The following RIMS2 variants were observed in gnomAD, a reference collection of about 807,000 sequenced individuals.
RIMS2 encodes the protein regulating synaptic membrane exocytosis protein 2.
In RIMS2, 59 loss-of-function variants were observed where a neutral mutation model predicts 174.4. The observed-to-expected ratio is 0.34, with a 90% CI of 0.27 to 0.42. The LOEUF is 0.42. RIMS2 is among the 10% of genes least tolerant of loss of function. The probability of loss-of-function intolerance (pLI) is 1.00; values close to 1 mark genes in which losing one functional copy is unlikely to be tolerated. For missense variants in RIMS2, 1,620 were observed against 1,666.3 expected (o/e 0.97, Z 0.48); for synonymous variants, 606 against 572.5 (o/e 1.06, Z -0.84).
intron 2 of RIMS2, among the ~76,000 whole-genome samples, chr8:103,718,977 C>T (rs909431995): frequency 2.6e-5 from 4 of 152,190 alleles, no homozygotes; most frequent in African/African-American, 7.2e-5. Context: ...ACTTCCTTCC[C>T]TCTTGCAATC....
chr8:104,156,470 C>T (rs2098724885), intron 19 of RIMS2, among the ~76,000 whole-genome samples: 1 of 152,198 alleles, frequency 6.6e-6, no homozygotes. Context: ...CAATCTAATA[C>T]TGCCACACAG....
In RIMS2 at chr8:103,618,560, T is replaced by C. The variant is rs185668600; in HGVS notation, c.177-78526T>C. Reference sequence around the variant, plus strand: ...TCTGGTAGAATGAGAGGAAGGGAATTATTGTGTGAGACCATTTTCAAGGCT... The same window carrying C: ...TCTGGTAGAATGAGAGGAAGGGAATCATTGTGTGAGACCATTTTCAAGGCT... On this transcript the variant is annotated intron_variant, in intron 1 of 23. Coordinates refer to ENST00000504942, the Ensembl canonical transcript of RIMS2. Among the ~76,000 whole-genome samples, 258 of 152,240 alleles carry C rather than the reference T, an allele frequency of 1.7e-3. 2 individuals are homozygous for C. Among genetic ancestry groups the C allele is most frequent in the African/African-American group, 5.9e-3 (247 of 41,566 alleles).
At chr8:103,623,598 C>T (rs1335636340) in intron 1 of RIMS2, among the ~76,000 whole-genome samples, 1 of 148,464 alleles carries the variant, frequency 6.7e-6, no homozygotes, top group East Asian at 2.0e-4. Flanking sequence ...CATTCTCCTG[C>T]CTCAGCCTCC....
chr8:103,577,269 G>A (rs1193660462), intron 1 of RIMS2, among the ~76,000 whole-genome samples: 1 of 152,154 alleles, frequency 6.6e-6, no homozygotes, highest in Non-Finnish European at 1.5e-5. Context: ...CAAAGGATAT[G>A]AACAGACACT....
chr8:104,039,533 C>T (rs896730446), intron 19 of RIMS2, among the ~76,000 whole-genome samples: 13 of 151,508 alleles, frequency 8.6e-5, no homozygotes, highest in African/African-American at 9.7e-5. Context: ...CATTTGTTTA[C>T]GTAGTTTTTA....
At chr8:104,082,838 T>A (rs1277558236) in intron 19 of RIMS2, among the ~76,000 whole-genome samples, 2 of 152,122 alleles carry the variant, frequency 1.3e-5, no homozygotes, top group Non-Finnish European at 2.9e-5. Flanking sequence ...ACAACCCATA[T>A]GGAATGATGG....
chr8:104,205,545 G>A (rs745631588), intron 19 of RIMS2, among the ~76,000 whole-genome samples: 5 of 151,728 alleles, frequency 3.3e-5, no homozygotes, highest in Admixed American at 6.6e-5. Context: ...CTCCCTATTC[G>A]TCATAACTTA....
At chr8:103,679,246 T>A (rs7009840) in intron 1 of RIMS2, among the ~76,000 whole-genome samples, 18,899 of 151,940 alleles carry the variant, frequency 0.12, 1,271 homozygotes, top group Middle Eastern at 0.22. Flanking sequence ...TCCTCATAAA[T>A]CTTATCTTAT....
At chr8:103,935,112 T>C (rs188566003) in intron 12 of RIMS2, among the ~76,000 whole-genome samples, 129 of 152,314 alleles carry the variant, frequency 8.5e-4, no homozygotes, top group African/African-American at 2.9e-3. Flanking sequence ...TCGTCAATGA[T>C]ATATGAGTAG....
intron 1 of RIMS2, among the ~76,000 whole-genome samples, chr8:103,516,257 T>C (rs1828907196): frequency 6.6e-6 from 1 of 152,086 alleles, no homozygotes; most frequent in Admixed American, 6.6e-5. Flanking sequence ...GGACATTTAG[T>C]TTGAGAAAGA....
chr8:103,705,607 T>G (rs892750371), intron 2 of RIMS2, among the ~76,000 whole-genome samples: 1 of 152,108 alleles, frequency 6.6e-6, no homozygotes, highest in Non-Finnish European at 1.5e-5. Context: ...GTAATAATAT[T>G]TTCCCTATAT....
intron 2 of RIMS2, among the ~76,000 whole-genome samples, chr8:103,753,914 G>A (rs1023075706): frequency 3.3e-5 from 5 of 151,938 alleles, no homozygotes; most frequent in Admixed American, 6.6e-5. Context: ...AGGGTTTTTT[G>A]TGTCTCTATC....
intron 19 of RIMS2, among the ~76,000 whole-genome samples, chr8:104,231,567 G>A (rs542869130): frequency 2.0e-5 from 3 of 152,272 alleles, no homozygotes; most frequent in South Asian, 2.1e-4. Context: ...AGCTTCTGTA[G>A]ACAGAGGAAA....
intron 1 of RIMS2, among the ~76,000 whole-genome samples, chr8:103,596,940 C>G (rs2094500411): frequency 6.6e-6 from 1 of 151,930 alleles, no homozygotes; most frequent in Non-Finnish European, 1.5e-5. Flanking sequence ...GATAGTTTCC[C>G]CACAATATGA....
intron 10 of RIMS2, among the ~76,000 whole-genome samples, chr8:103,923,096 CATAT>C (rs1204192132): frequency 6.6e-6 from 1 of 151,780 alleles, no homozygotes; most frequent in Admixed American, 6.6e-5. Flanking sequence ...CTTATTCTTA[CATAT>C]ATCGACAGCC....
intron 3 of RIMS2, among the ~76,000 whole-genome samples, chr8:103,808,753 C>G (rs1168806173): frequency 6.6e-6 from 1 of 152,138 alleles, no homozygotes; most frequent in Non-Finnish European, 1.5e-5. Context: ...TCGACTTCTA[C>G]CTTTTAAGTC....
At chr8:103,623,478 GTTTTTT>G (rs71575976) in intron 1 of RIMS2, among the ~76,000 whole-genome samples, 2 of 83,238 alleles carry the variant, frequency 2.4e-5, no homozygotes, top group African/African-American at 9.6e-5. Context: ...GGTTTCTTCA[GTTTTTT>G]TTTTTTTTTT....
chr8:104,133,369 T>G (rs2098489224), intron 19 of RIMS2, among the ~76,000 whole-genome samples: 1 of 152,100 alleles, frequency 6.6e-6, no homozygotes, highest in African/African-American at 2.4e-5. Context: ...GATCCTGAGG[T>G]CCTGTGGAGG....
chr8:103,895,064 T>C (rs2154522556), intron 4 of RIMS2, among the ~76,000 whole-genome samples: 1 of 151,738 alleles, frequency 6.6e-6, no homozygotes, highest in South Asian at 2.1e-4. Context: ...ATTTATTTTC[T>C]TCAGAATTTA....
Sources: gnomAD v4.1 joint callset for allele counts (sites outside exome capture counted in the v4.1 genomes callset) on GRCh38, gnomAD v4.1.1 for gene constraint, MANE v1.5 for transcripts, NCBI Gene and HGNC (gene_info 2026-07-23, HGNC 2026-07-21) for gene names.